Variants in TRIM33 observed in about 807,000 individuals in gnomAD.
TRIM33 encodes the protein E3 ubiquitin-protein ligase TRIM33.
A neutral mutation model predicts 125.4 loss-of-function variants in TRIM33; 20 were observed. The observed-to-expected ratio is 0.16, with a 90% CI of 0.11 to 0.23. The LOEUF (loss-of-function observed/expected upper bound fraction) is 0.23. TRIM33 is among the 10% of genes least tolerant of loss of function. TRIM33 has a pLI of 1.00. For missense variants in TRIM33, 920 were observed against 1,411.4 expected (o/e 0.65, Z 5.58); for synonymous variants, 564 against 513.9 (o/e 1.10, Z -1.32).
rs1570639090 is a variant in TRIM33 at position 114,482,227 on chromosome 1, C to T, written c.527-17839G>A. Among the ~76,000 whole-genome samples, 3 of 152,196 alleles carry T rather than the reference C, an allele frequency of 2.0e-5. No homozygotes were observed. In the East Asian group the frequency reaches 5.8e-4, roughly 29 times the overall value. ...TGGCCATTAGGTACCACATTTAACA[C>T]CATGAACTTAGAGAGAAATGTATAG... On this transcript the variant is annotated intron_variant, in intron 1 of 19. Coordinates refer to ENST00000358465, the MANE Select transcript of TRIM33 (RefSeq NM_015906.4).
intron 1 of TRIM33, among the ~76,000 whole-genome samples, chr1:114,500,126 C>T (rs1247339843): frequency 1.3e-5 from 2 of 152,156 alleles, no homozygotes; most frequent in Admixed American, 1.3e-4. Flanking sequence ...GAGATCGTGC[C>T]ATTGCACTCC....
At chr1:114,504,403 A>T (rs970404251) in intron 1 of TRIM33, among the ~76,000 whole-genome samples, 1 of 152,180 alleles carries the variant, frequency 6.6e-6, no homozygotes, top group African/African-American at 2.4e-5. Context: ...CCTGGACTCA[A>T]GCAATCCACC....
At chr1:114,447,270 C>T (rs574341118) in intron 4 of TRIM33, among the ~76,000 whole-genome samples, 18 of 151,986 alleles carry the variant, frequency 1.2e-4, no homozygotes, top group Middle Eastern at 3.4e-3. Flanking sequence ...AGAGGTAGTA[C>T]GTGGTAGGAG....
At chr1:114,439,468 CAAAAAAAAAAA>C (rs59231995) in intron 4 of TRIM33, among the ~76,000 whole-genome samples, 3 of 45,964 alleles carry the variant, frequency 6.5e-5, no homozygotes, top group African/African-American at 8.8e-5. Flanking sequence ...GACTCTGTAT[CAAAAAAAAAAA>C]AAAAAAAAAA....
intron 1 of TRIM33, among the ~76,000 whole-genome samples, chr1:114,469,764 A>G (rs1557884359): frequency 2.0e-5 from 3 of 152,218 alleles, no homozygotes; most frequent in South Asian, 2.1e-4. Flanking sequence ...GAAATGCTGA[A>G]TATGTTGCCC....
intron 16 of TRIM33, among the ~76,000 whole-genome samples, chr1:114,401,868 C>G (rs1486535621): frequency 6.6e-6 from 1 of 152,122 alleles, no homozygotes; most frequent in Non-Finnish European, 1.5e-5. Flanking sequence ...CAAATGATTC[C>G]AGTCAGGTTC....
chr1:114,475,534 T>A (rs1002966501), intron 1 of TRIM33, among the ~76,000 whole-genome samples: 2 of 151,926 alleles, frequency 1.3e-5, no homozygotes, highest in Non-Finnish European at 2.9e-5. Context: ...ACAAAAAAAA[T>A]TAGCCAGGCG....
At chr1:114,415,976 A>G (rs547980987) in intron 11 of TRIM33, among the ~76,000 whole-genome samples, 4 of 151,056 alleles carry the variant, frequency 2.6e-5, no homozygotes, top group Non-Finnish European at 5.9e-5. Context: ...GCACAACAGC[A>G]ATAAAAAAGA....
At chr1:114,489,216 G>C (rs1220209844) in intron 1 of TRIM33, among the ~76,000 whole-genome samples, 1 of 152,154 alleles carries the variant, frequency 6.6e-6, no homozygotes, top group Non-Finnish European at 1.5e-5. Context: ...ATGATACAGG[G>C]ACAATGGATA....
chr1:114,449,171 A>C (rs1452606562), intron 4 of TRIM33, among the ~76,000 whole-genome samples: 1 of 152,038 alleles, frequency 6.6e-6, no homozygotes, highest in Admixed American at 6.6e-5. Flanking sequence ...TCTAAAAAAA[A>C]CAGTAAAAAG....
chr1:114,508,052 G>A (rs1289038743), intron 1 of TRIM33, among the ~76,000 whole-genome samples: 1 of 152,160 alleles, frequency 6.6e-6, no homozygotes, highest in Non-Finnish European at 1.5e-5. Flanking sequence ...GGGAGGCAGA[G>A]GCTGCAGTAA....
chr1:114,441,897 A>G (rs1356516084), intron 4 of TRIM33, among the ~76,000 whole-genome samples: 1 of 152,176 alleles, frequency 6.6e-6, no homozygotes, highest in East Asian at 1.9e-4. Flanking sequence ...CATTGAACCT[A>G]TGGGCTCTTC....
chr1:114,479,160 C>G (rs920012749), intron 1 of TRIM33, among the ~76,000 whole-genome samples: 13 of 152,148 alleles, frequency 8.5e-5, no homozygotes, highest in African/African-American at 2.9e-4. Flanking sequence ...AAGAACAGAT[C>G]CTCAGAAACC....
intron 4 of TRIM33, among the ~76,000 whole-genome samples, chr1:114,446,924 T>A (rs1240026082): frequency 6.6e-6 from 1 of 152,070 alleles, no homozygotes; most frequent in African/African-American, 2.4e-5. Context: ...GTATGTGGTC[T>A]CAGCTACTTG....
chr1:114,493,579 C>T (rs1030611108), intron 1 of TRIM33, among the ~76,000 whole-genome samples: 31 of 152,170 alleles, frequency 2.0e-4, no homozygotes, highest in African/African-American at 7.5e-4. Flanking sequence ...GCCACCATGC[C>T]CAGCCTGTTG....
intron 1 of TRIM33, among the ~76,000 whole-genome samples, chr1:114,489,773 A>G (rs1405932824): frequency 6.6e-6 from 1 of 152,006 alleles, no homozygotes; most frequent in East Asian, 1.9e-4. Flanking sequence ...TAAAAAAAAC[A>G]TGTGCTGCCA....
intron 1 of TRIM33, among the ~76,000 whole-genome samples, chr1:114,474,578 T>TA (rs34473575): frequency 0.21 from 16,693 of 78,782 alleles, 1,826 homozygotes; most frequent in Non-Finnish European, 0.24. Flanking sequence ...TGTCTCTATT[T>TA]AAAAAAAAAA....
Position 114,405,651 on chromosome 1 carries a change from C to T in TRIM33, c.2527G>A (p.Ala843Thr), listed in dbSNP as rs1403075722. 1.2e-6 allele frequency: 2 copies of T among 1,614,200 alleles called. No homozygotes were observed. Among genetic ancestry groups the T allele is most frequent in the African/African-American group, 1.3e-5 (1 of 75,050 alleles). ...TGTTTGCAGCTTTCATTCATATCTG[C>T]AGGTTCAATTTTCACATGGTTTTCC... is the stretch of plus-strand genomic sequence containing the variant. ...SLENHVKIEP[A>T]DMNESCKQSG... Residue 843 changes from alanine (A) to threonine (T), a missense_variant, in exon 15 of 20, where the codon GCA (alanine) becomes ACA (threonine). Physicochemically the swap from Ala to Thr is moderately conservative, Grantham distance 58. Coordinates refer to ENST00000358465, the MANE Select transcript of TRIM33 (RefSeq NM_015906.4).
chr1:114,405,576 T>A lies in TRIM33; in HGVS notation c.2602A>T (p.Met868Leu). The A allele has an allele frequency of 6.2e-7, 1 of 1,614,084 alleles. No homozygotes were observed. Among genetic ancestry groups the A allele is most frequent in the Non-Finnish European group, 8.5e-7 (1 of 1,179,898 alleles). The change falls in exon 15 of 20, where the codon ATG becomes TTG. Residue 868 changes from methionine to leucine, a missense_variant. Met to Leu is a conservative substitution (Grantham distance 15, BLOSUM62 2). Transcript: ENST00000358465. ...VNGKSPIRSL[M>L]HRSARIGGDG... Reference sequence around the variant, plus strand: ...CCTCCAATCCTTGCCGACCTGTGCATGAGGCTTCGAATTGGGGACTTTCCA... The same window carrying A: ...CCTCCAATCCTTGCCGACCTGTGCAAGAGGCTTCGAATTGGGGACTTTCCA...
Sources: allele counts gnomAD v4.1 joint callset (sites outside exome capture counted in the v4.1 genomes callset), GRCh38; gene constraint gnomAD v4.1.1; transcripts MANE v1.5; gene names NCBI Gene and HGNC (gene_info 2026-07-23, HGNC 2026-07-21).